Variants in LUZP2 observed in about 807,000 individuals in gnomAD.
LUZP2 encodes leucine zipper protein 2.
A neutral mutation model predicts 51.6 loss-of-function variants in LUZP2; 52 were observed. The ratio of observed to expected loss-of-function variants is 1.01; its 90% CI spans 0.81 to 1.27. The LOEUF (loss-of-function observed/expected upper bound fraction) is 1.27, where lower values mean the gene tolerates loss of function less well. Among genes scored for constraint, LUZP2 ranks in the 50% most tolerant of loss-of-function variants. LUZP2 has a pLI of 0.00. For missense variants in LUZP2, 436 were observed against 395.4 expected (o/e 1.10, Z -0.87); for synonymous variants, 154 against 137.3 (o/e 1.12, Z -0.85).
intron 9 of LUZP2, among the ~76,000 whole-genome samples, chr11:25,045,090 G>T (rs1305147589): frequency 2.7e-5 from 4 of 146,908 alleles, no homozygotes; most frequent in African/African-American, 7.5e-5. Flanking sequence ...GTAGCATTAG[G>T]AGATATACCT....
Position 24,729,180 on chromosome 11 carries a change from A to G in LUZP2, c.74A>G (p.Glu25Gly), listed in dbSNP as rs1858611347. 6.4e-7 allele frequency: 1 copy of G among 1,565,728 alleles called. No homozygotes were observed. The highest frequency in any genetic ancestry group is 8.7e-7 in the Non-Finnish European group (1 of 1,147,690). Reference protein sequence around the residue: ...ALVLSTRQDYEELEKQLKEVF... With the variant: ...ALVLSTRQDYGELEKQLKEVF... The stretch of plus-strand genomic sequence containing the variant: ...TCTTTCTGTGTTAGACAGGACTATG[A>G]AGAGCTAGAAAAGCAGCTGAAAGAA... Residue 25 changes from glutamate (E) to glycine (G), a missense_variant, in exon 2 of 12, where the codon GAA becomes GGA. By Grantham distance (98) the Glu-to-Gly change is moderately conservative (BLOSUM62 -2). Transcript: ENST00000336930.
intron 10 of LUZP2, among the ~76,000 whole-genome samples, chr11:25,068,242 C>T (rs1859051840): frequency 6.6e-6 from 1 of 151,838 alleles, no homozygotes; most frequent in African/African-American, 2.4e-5. Flanking sequence ...TGCAGCAAAC[C>T]ACAATGGCAC....
At chr11:24,513,203 A>T (rs1394922780) in intron 1 of LUZP2, among the ~76,000 whole-genome samples, 1 of 152,186 alleles carries the variant, frequency 6.6e-6, no homozygotes, top group Non-Finnish European at 1.5e-5. Context: ...AATTTCTCCT[A>T]AAAATAAAAT....
At chr11:24,863,407 A>C (rs1318082734) in intron 5 of LUZP2, among the ~76,000 whole-genome samples, 1 of 152,290 alleles carries the variant, frequency 6.6e-6, no homozygotes, top group East Asian at 1.9e-4. Flanking sequence ...TACAATACGG[A>C]TGAACCTTGA....
chr11:24,776,862 A>G (rs1340170911), intron 5 of LUZP2, among the ~76,000 whole-genome samples: 1 of 152,116 alleles, frequency 6.6e-6, no homozygotes, highest in East Asian at 1.9e-4. Context: ...GAGATTCATC[A>G]TTTCATTGTA....
Position 24,497,138 on chromosome 11 carries a change from A to C in LUZP2, c.-106A>C, listed in dbSNP as rs1214041094. ...CGTCTCCGCCTTTCCGCCTCGGAAG[A>C]GCGCTCATCACTGGCTGGGGACAGA... On this transcript the variant is annotated 5_prime_UTR_variant, in exon 1 of 12. Transcript: ENST00000336930. The C allele has an allele frequency of 9.8e-7, 1 of 1,019,516 alleles. No individual in the cohort carries two copies. Among genetic ancestry groups the C allele is most frequent in the East Asian group, 2.9e-5 (1 of 34,222 alleles). The allele number at this position is 1,019,516 out of a possible 1,614,324, so 63.2% of individuals were successfully genotyped here.
chr11:24,982,041 G>A (rs7948210), intron 8 of LUZP2, among the ~76,000 whole-genome samples: 138,393 of 151,930 alleles, frequency 0.91, 64,395 homozygotes, highest in Non-Finnish European at 1. Flanking sequence ...AGAGAAACGC[G>A]AATCAAAATC....
intron 7 of LUZP2, among the ~76,000 whole-genome samples, chr11:24,924,071 T>C (rs1590736563): frequency 6.8e-6 from 1 of 148,094 alleles, no homozygotes. Flanking sequence ...CAGCCCCCAC[T>C]CCCCGGCTTT....
At chr11:24,537,869 T>C (rs1851229045) in intron 1 of LUZP2, among the ~76,000 whole-genome samples, 1 of 151,910 alleles carries the variant, frequency 6.6e-6, no homozygotes, top group African/African-American at 2.4e-5. Context: ...TATGTACATA[T>C]GCTATATTTT....
intron 9 of LUZP2, among the ~76,000 whole-genome samples, chr11:25,014,302 C>G (rs960189090): frequency 6.6e-6 from 1 of 152,150 alleles, no homozygotes. Flanking sequence ...ATTTCTAGTT[C>G]TAGATCCCTG....
intron 1 of LUZP2, among the ~76,000 whole-genome samples, chr11:24,565,958 T>C (rs959152101): frequency 1.3e-5 from 2 of 152,090 alleles, no homozygotes; most frequent in Non-Finnish European, 2.9e-5. Flanking sequence ...AAAAATTGTA[T>C]TAATAGTAGA....
chr11:24,991,034 T>C (rs1293419498), intron 9 of LUZP2, among the ~76,000 whole-genome samples: 1 of 152,034 alleles, frequency 6.6e-6, no homozygotes, highest in Non-Finnish European at 1.5e-5. Flanking sequence ...GTAAGTTCTT[T>C]AGCAGTGATT....
intron 1 of LUZP2, among the ~76,000 whole-genome samples, chr11:24,621,783 A>G (rs1408812178): frequency 1.3e-5 from 2 of 152,180 alleles, no homozygotes; most frequent in Non-Finnish European, 2.9e-5. Context: ...ATTGTCTTCA[A>G]AACTCTTGTT....
intron 5 of LUZP2, among the ~76,000 whole-genome samples, chr11:24,889,996 G>A (rs1852795840): frequency 6.6e-6 from 1 of 152,112 alleles, no homozygotes; most frequent in Non-Finnish European, 1.5e-5. Context: ...GAATTGGACA[G>A]AATAAACAAA....
chr11:24,500,055 T>A (rs1219086902), intron 1 of LUZP2, among the ~76,000 whole-genome samples: 1 of 152,200 alleles, frequency 6.6e-6, no homozygotes, highest in Non-Finnish European at 1.5e-5. Flanking sequence ...TGCTTGTTCC[T>A]CCTTCTCACC....
chr11:24,864,769 A>G (rs528986788), intron 5 of LUZP2, among the ~76,000 whole-genome samples: 51 of 152,342 alleles, frequency 3.3e-4, no homozygotes, highest in Non-Finnish European at 6.6e-4. Context: ...ATGCTGCTTC[A>G]TAAGTCCCAC....
At chr11:24,729,321 A>T in intron 2 of LUZP2, 35 bp downstream of exon 2, 1 of 1,143,546 alleles carries the variant, frequency 8.7e-7, no homozygotes, top group Non-Finnish European at 1.2e-6. Flanking sequence ...GCAGTAAAAG[A>T]GGAGCAGTCA....
At chr11:24,504,158 T>A (rs1850083080) in intron 1 of LUZP2, among the ~76,000 whole-genome samples, 2 of 152,172 alleles carry the variant, frequency 1.3e-5, no homozygotes, top group East Asian at 3.8e-4. Flanking sequence ...TTGAGATCTT[T>A]CCATTGAAAG....
chr11:24,748,057 C>T (rs1418361038), intron 4 of LUZP2, among the ~76,000 whole-genome samples: 1 of 152,134 alleles, frequency 6.6e-6, no homozygotes, highest in African/African-American at 2.4e-5. Context: ...TACCCTTCCC[C>T]CAGTTCTAAC....
Sources: gnomAD v4.1 joint callset for allele counts (sites outside exome capture counted in the v4.1 genomes callset) on GRCh38, gnomAD v4.1.1 for gene constraint, MANE v1.5 for transcripts, NCBI Gene and HGNC (gene_info 2026-07-23, HGNC 2026-07-21) for gene names.